The following TRABD2B variants were observed in gnomAD, a reference collection of about 807,000 sequenced individuals.
TRABD2B encodes TraB domain containing 2B.
TRABD2B carries 14 observed loss-of-function variants against 40.1 expected under a neutral mutation model. That is an observed-to-expected ratio of 0.35 (90% confidence interval 0.23 to 0.55). The LOEUF (loss-of-function observed/expected upper bound fraction) is 0.55, where lower values mean the gene tolerates loss of function less well. Ranked by LOEUF, TRABD2B falls within the 20% of genes least tolerant of loss-of-function variation. The pLI is 0.90. For synonymous variants in TRABD2B, 263 were observed against 277.0 expected, an observed-to-expected ratio of 0.95 and a Z score of 0.50; for missense variants, 541 against 648.6, an observed-to-expected ratio of 0.83 and a Z score of 1.80.
chr1:47,892,453 T>C (rs1253723212), intron 2 of TRABD2B, among the ~76,000 whole-genome samples: 1 of 152,260 alleles, frequency 6.6e-6, no homozygotes, highest in African/African-American at 2.4e-5. Flanking sequence ...ATATCACATC[T>C]GGATATATGA....
intron 2 of TRABD2B, among the ~76,000 whole-genome samples, chr1:47,945,289 C>T (rs1645245734): frequency 1.3e-5 from 2 of 152,164 alleles, no homozygotes; most frequent in Non-Finnish European, 2.9e-5. Context: ...AGCCGTAGCT[C>T]TGAGCTCTGA....
intron 2 of TRABD2B, among the ~76,000 whole-genome samples, chr1:47,847,736 A>G (rs1303072652): frequency 1.3e-5 from 2 of 152,208 alleles, no homozygotes; most frequent in East Asian, 1.9e-4. Flanking sequence ...AAGAGGGGGA[A>G]ATGTCCACAT....
intron 2 of TRABD2B, among the ~76,000 whole-genome samples, chr1:47,917,248 G>C (rs971800713): frequency 6.6e-6 from 1 of 152,218 alleles, no homozygotes; most frequent in Non-Finnish European, 1.5e-5. Flanking sequence ...TAGAAAGTGA[G>C]TCTGAAATGC....
chr1:47,915,356 C>T (rs1359829557), intron 2 of TRABD2B, among the ~76,000 whole-genome samples: 1 of 152,170 alleles, frequency 6.6e-6, no homozygotes, highest in African/African-American at 2.4e-5. Context: ...GAAGTTCACG[C>T]AGTCTTTCAG....
At chr1:47,823,838 T>C (rs943268572) in intron 2 of TRABD2B, among the ~76,000 whole-genome samples, 1 of 152,226 alleles carries the variant, frequency 6.6e-6, no homozygotes, top group Admixed American at 6.5e-5. Context: ...TTCAGAACTC[T>C]TTCTGTGGGG....
intron 2 of TRABD2B, among the ~76,000 whole-genome samples, chr1:47,966,969 T>C (rs1433608994): frequency 1.3e-4 from 17 of 135,428 alleles, no homozygotes; most frequent in Admixed American, 1.2e-3. Context: ...ATCCTTCAAA[T>C]ACACAGTTTA....
Position 47,794,725 on chromosome 1 carries a change from G to A in TRABD2B, c.849C>T (p.His283=). 6.5e-6 allele frequency: 10 copies of A among 1,535,424 alleles called. No homozygotes were observed. Among genetic ancestry groups the A allele is most frequent in the Middle Eastern group, 1.7e-4 (1 of 5,978 alleles). ...CAATCTCCTGGGCCGTCACCTGCTC[G>A]TGTGGCGGGAGGGTGGTGTTGATAA... ...PNFINTTLPP[H]EQVTAQEIDS... The change falls in exon 4 of 7, where the codon CAC becomes CAT. Residue 283 remains histidine, a synonymous_variant. Transcript: ENST00000606738.
chr1:47,838,807 G>A (rs1294347220), intron 2 of TRABD2B, among the ~76,000 whole-genome samples: 1 of 152,180 alleles, frequency 6.6e-6, no homozygotes, highest in Non-Finnish European at 1.5e-5. Flanking sequence ...AGCACACTGG[G>A]GCCTGACCAA....
rs188439870 is a variant in TRABD2B at position 47,888,682 on chromosome 1, C to T, written c.667-87063G>A. On this transcript the variant is annotated intron_variant, in intron 2 of 6. Transcript: ENST00000606738. ...AATTCAACTGCCTTCCCCTAGCCTC[C>T]TCTGTAGGTAGAGAAGGCCATGAGA... 5.3e-5 allele frequency among the ~76,000 whole-genome samples: 8 copies of T among 152,302 alleles called. No individual in the cohort carries two copies. In the East Asian group the frequency reaches 1.5e-3, roughly 29 times the overall value.
intron 2 of TRABD2B, among the ~76,000 whole-genome samples, chr1:47,966,522 G>T (rs1167665480): frequency 6.6e-6 from 1 of 152,160 alleles, no homozygotes; most frequent in East Asian, 1.9e-4. Context: ...CTGGGAAGAG[G>T]AGTGCTAAGC....
chr1:47,920,705 A>G (rs1243193494), intron 2 of TRABD2B, among the ~76,000 whole-genome samples: 1 of 152,060 alleles, frequency 6.6e-6, no homozygotes, highest in Non-Finnish European at 1.5e-5. Context: ...CTGAGCTGTA[A>G]CTCCCTGCAG....
rs531608861 is a variant in TRABD2B, at chr1:47,991,518, T to C, written c.666+2516A>G. Among the ~76,000 whole-genome samples the C allele has an allele frequency of 4.6e-5, 7 of 152,312 alleles. No individual in the cohort carries two copies. The East Asian group carries it at 5.8e-4, about 13-fold the overall frequency. On this transcript the variant is annotated intron_variant, in intron 2 of 6. Transcript: ENST00000606738. The stretch of plus-strand genomic sequence containing the variant: ...AAAGACCAAAACCTAACAATAGACC[T>C]GATCTTCCAAGCTGCGCAAGGGTGG...
intron 2 of TRABD2B, among the ~76,000 whole-genome samples, chr1:47,938,499 C>A (rs1226559616): frequency 6.6e-6 from 1 of 152,240 alleles, no homozygotes; most frequent in Admixed American, 6.5e-5. Flanking sequence ...TCTGCTCCAA[C>A]CTGTCTTCTT....
At chr1:47,944,058 A>T (rs1645225658) in intron 2 of TRABD2B, among the ~76,000 whole-genome samples, 1 of 152,220 alleles carries the variant, frequency 6.6e-6, no homozygotes, top group Non-Finnish European at 1.5e-5. Context: ...GGGGCCATCA[A>T]GGGAGGCTTC....
intron 6 of TRABD2B, among the ~76,000 whole-genome samples, chr1:47,768,576 C>A (rs57078537): frequency 0.44 from 66,902 of 152,018 alleles, 15,369 homozygotes; most frequent in East Asian, 0.57. Context: ...TCCCTCAATG[C>A]CACTTGGGGC....
intron 2 of TRABD2B, among the ~76,000 whole-genome samples, chr1:47,934,685 T>C (rs537101590): frequency 2.2e-4 from 34 of 152,338 alleles, no homozygotes; most frequent in African/African-American, 7.7e-4. Flanking sequence ...CTTCCAAAGC[T>C]GATGGAGCCA....
intron 2 of TRABD2B, among the ~76,000 whole-genome samples, chr1:47,925,336 A>T (rs1307657303): frequency 2.6e-5 from 4 of 152,240 alleles, no homozygotes; most frequent in African/African-American, 9.6e-5. Context: ...AATTAAATTG[A>T]AAAAAGAAAG....
intron 2 of TRABD2B, among the ~76,000 whole-genome samples, chr1:47,844,462 C>T (rs1645441323): frequency 6.6e-6 from 1 of 152,148 alleles, no homozygotes; most frequent in African/African-American, 2.4e-5. Flanking sequence ...TCTCTCATTG[C>T]CCAGATGCCG....
chr1:47,895,319 T>A (rs1311963257), intron 2 of TRABD2B, among the ~76,000 whole-genome samples: 1 of 152,016 alleles, frequency 6.6e-6, no homozygotes, highest in Non-Finnish European at 1.5e-5. Context: ...AAGCACAGCC[T>A]GTATCTGATC....
Sources: gnomAD v4.1 joint callset for allele counts (sites outside exome capture counted in the v4.1 genomes callset) on GRCh38, gnomAD v4.1.1 for gene constraint, MANE v1.5 for transcripts, NCBI Gene and HGNC (gene_info 2026-07-23, HGNC 2026-07-21) for gene names.